HIVEP2: variants seen among roughly 807,000 people sequenced by gnomAD.
The protein encoded by HIVEP2 is HIVEP zinc finger 2.
HIVEP2 carries 14 observed loss-of-function variants against 180.7 expected under a neutral mutation model. The ratio of observed to expected loss-of-function variants is 0.08; its 90% CI spans 0.05 to 0.12. The LOEUF (loss-of-function observed/expected upper bound fraction) is 0.12. Among genes scored for constraint, HIVEP2 ranks in the 10% least tolerant of loss-of-function variants. The probability of loss-of-function intolerance (pLI) is 1.00; values close to 1 mark genes in which losing one functional copy is unlikely to be tolerated. For missense variants in HIVEP2, 2,579 were observed against 3,008.5 expected (o/e 0.86, Z 3.34); for synonymous variants, 1,184 against 1,136.4 (o/e 1.04, Z -0.84).
At position 142,774,499 on chromosome 6, in the gene HIVEP2, T is replaced by C; in HGVS notation, c.240A>G (p.Ala80=). The C allele has an allele frequency of 6.2e-7, 1 of 1,614,166 alleles. No homozygotes were observed. The highest frequency in any genetic ancestry group is 8.5e-7 in the Non-Finnish European group (1 of 1,180,030). Residue 80 remains alanine (A), a synonymous_variant, in exon 5 of 10, where the codon GCA becomes GCG. Coordinates refer to ENST00000367603, the MANE Select transcript of HIVEP2 (RefSeq NM_006734.4). The surrounding 1 kb of genome is among the most constrained non-coding windows in gnomAD (Gnocchi z 5.1). ...GACGATGCGGTGGATATTGCTTCTC[T>C]GCGACTTGCTGCACCACTTCACTAG... is the stretch of plus-strand genomic sequence containing the variant. ...ASPSEVVQQV[A]EKQYPPHRPS... is the part of the protein sequence containing the mutation.
In HIVEP2 at chr6:142,761,252, C is replaced by CTTTGAAAAAAATAAAA. The variant is rs1186620149; in HGVS notation, c.5620+211_5620+212insTTTTATTTTTTTCAAA. On this transcript the variant is annotated intron_variant, in intron 8 of 9. Transcript: ENST00000367603. ...AAATATAAGTATTTTCAAAGTAAGG[C>CTTTGAAAAAAATAAAA]CTTTTTTGCCCTCGGAGTCAAAACT... Among the ~76,000 whole-genome samples, 3 of 152,194 alleles carry CTTTGAAAAAAATAAAA rather than the reference C, an allele frequency of 2.0e-5. No individual in the cohort carries two copies. In the East Asian group the frequency reaches 5.8e-4, roughly 29 times the overall value.
rs1191102808 is a variant in HIVEP2, at chr6:142,772,405, A to G, written c.2334T>C (p.Pro778=). Residue 778 remains proline (P), a synonymous_variant, in exon 5 of 10, where the codon CCT becomes CCC. Coordinates refer to ENST00000367603, the MANE Select transcript of HIVEP2 (RefSeq NM_006734.4). The surrounding 1 kb of genome is among the most constrained non-coding windows in gnomAD (Gnocchi z 4.9). Reference sequence around the variant, plus strand: ...ACATCTTGTCTGAATCAATGGCTGAAGGTGACTCCTCTGACACAAGAGATG... The same window carrying G: ...ACATCTTGTCTGAATCAATGGCTGAGGGTGACTCCTCTGACACAAGAGATG... ...GSPSLVSEES[P]SAIDSDKMSD... 6.2e-7 allele frequency: 1 copy of G among 1,614,096 alleles called. No individual in the cohort carries two copies. The highest frequency in any genetic ancestry group is 8.5e-7 in the Non-Finnish European group (1 of 1,180,044).
intron 1 of HIVEP2, among the ~76,000 whole-genome samples, chr6:142,944,320 T>G (rs917369200): frequency 1.3e-5 from 2 of 150,870 alleles, no homozygotes; most frequent in South Asian, 4.2e-4. Context: ...AGCGCACCGA[T>G]CTGTGATAAC....
At chr6:142,867,023 G>C (rs1776158388) in intron 1 of HIVEP2, among the ~76,000 whole-genome samples, 1 of 152,192 alleles carries the variant, frequency 6.6e-6, no homozygotes, top group African/African-American at 2.4e-5. Flanking sequence ...ATCTTAGGTA[G>C]AGAGGTACTG....
At chr6:142,826,010 C>T (rs1297782052) in intron 2 of HIVEP2, among the ~76,000 whole-genome samples, 1 of 152,086 alleles carries the variant, frequency 6.6e-6, no homozygotes, top group East Asian at 1.9e-4. Flanking sequence ...TAATTATCTT[C>T]ATCCACTAGT....
At chr6:142,840,817 C>T (rs1775342423) in intron 1 of HIVEP2, among the ~76,000 whole-genome samples, 1 of 151,992 alleles carries the variant, frequency 6.6e-6, no homozygotes, top group Non-Finnish European at 1.5e-5. Context: ...ATATTTATGG[C>T]CATATTGATT....
rs930385467 is a variant in HIVEP2 at position 142,759,789 on chromosome 6, T to C, written c.6499A>G (p.Ile2167Val). 10 of 1,604,622 alleles carry C rather than the reference T, an allele frequency of 6.2e-6. No individual in the cohort carries two copies. The highest frequency in any genetic ancestry group is 1.3e-5 in the African/African-American group (1 of 74,320). Residue 2167 changes from isoleucine to valine, a missense_variant, in exon 9 of 10, where the codon ATT becomes GTT. By Grantham distance (29) the Ile-to-Val change is conservative. This residue lies in a region of HIVEP2 where 660 missense variants were observed against 731.7 expected (regional missense o/e 0.90). Transcript: ENST00000367603. ...ATACTTACAGGAGGCCCCAATACAA[T>C]TGGCTCTGCTTGCAAATACTGTCCC... ...SMGQYLQAEP[I>V]VLGPPNLRRG...
chr6:142,810,901 G>A (rs1431281520), intron 2 of HIVEP2, among the ~76,000 whole-genome samples: 3 of 151,992 alleles, frequency 2.0e-5, no homozygotes, highest in Admixed American at 2.0e-4. Flanking sequence ...AAAATAATCA[G>A]TGGATAGGAA....
chr6:142,931,051 A>G (rs1158501396), intron 1 of HIVEP2, among the ~76,000 whole-genome samples: 1 of 152,150 alleles, frequency 6.6e-6, no homozygotes, highest in Non-Finnish European at 1.5e-5. Context: ...CTCTTCTAAT[A>G]TATCACTTCT....
At chr6:142,794,398 A>G (rs543121992) in intron 2 of HIVEP2, among the ~76,000 whole-genome samples, 2 of 152,326 alleles carry the variant, frequency 1.3e-5, no homozygotes, top group African/African-American at 4.8e-5. Context: ...AACTGTGAAG[A>G]CTAATTAGTT....
At chr6:142,905,739 G>T (rs868128063) in intron 1 of HIVEP2, among the ~76,000 whole-genome samples, 5 of 151,996 alleles carry the variant, frequency 3.3e-5, no homozygotes, top group Non-Finnish European at 7.4e-5. Flanking sequence ...ACTATTAATG[G>T]TTCAAACTGT....
intron 1 of HIVEP2, among the ~76,000 whole-genome samples, chr6:142,925,879 C>T (rs748587758): frequency 7.9e-5 from 12 of 152,152 alleles, no homozygotes; most frequent in Non-Finnish European, 5.9e-5. Flanking sequence ...ATGTAAGAAA[C>T]CTTAGCAGAC....
chr6:142,913,312 T>C (rs760362981), intron 1 of HIVEP2, among the ~76,000 whole-genome samples: 9 of 152,248 alleles, frequency 5.9e-5, no homozygotes, highest in Non-Finnish European at 1.0e-4. Context: ...CATGCTATCA[T>C]TTGGATAGTT....
intron 7 of HIVEP2, 42 bp from the exon 8 acceptor site, chr6:142,761,607 T>A: frequency 1.9e-6 from 2 of 1,079,616 alleles, no homozygotes; most frequent in Non-Finnish European, 2.9e-6. Flanking sequence ...TAATTGGTTA[T>A]CAAATTAATA....
chr6:142,776,177 T>C lies in HIVEP2; in HGVS notation c.-418A>G, dbSNP rs1305639599. ...CAGTTTAGAGTTCTTATGGGCATGA[T>C]TGTCCTGACGCTTCCTGGATACAAA... On this transcript the variant is annotated 5_prime_UTR_variant, in exon 4 of 10. Coordinates refer to ENST00000367603, the MANE Select transcript of HIVEP2 (RefSeq NM_006734.4). 6.6e-6 allele frequency: 1 copy of C among 152,630 alleles called. No individual in the cohort carries two copies. Among genetic ancestry groups the C allele is most frequent in the Non-Finnish European group, 1.5e-5 (1 of 68,032 alleles). The allele number at this position is 152,630 out of a possible 1,614,324, so 9.5% of individuals were successfully genotyped here.
intron 1 of HIVEP2, among the ~76,000 whole-genome samples, chr6:142,845,598 TTC>T (rs1775491218): frequency 6.6e-6 from 1 of 152,212 alleles, no homozygotes; most frequent in Non-Finnish European, 1.5e-5. Flanking sequence ...CAGCACAGAC[TTC>T]TAACTACAAG....
At chr6:142,895,969 C>T (rs1256660111) in intron 1 of HIVEP2, among the ~76,000 whole-genome samples, 9 of 151,946 alleles carry the variant, frequency 5.9e-5, no homozygotes, top group Admixed American at 1.3e-4. Context: ...AATTAATGGC[C>T]GATGTTAGAG....
At chr6:142,928,270 A>G (rs1777861430) in intron 1 of HIVEP2, among the ~76,000 whole-genome samples, 1 of 152,200 alleles carries the variant, frequency 6.6e-6, no homozygotes, top group African/African-American at 2.4e-5. Context: ...ATTTTTAAAC[A>G]TATGTTTAGG....
intron 2 of HIVEP2, among the ~76,000 whole-genome samples, chr6:142,816,567 G>A (rs1282708996): frequency 6.6e-6 from 1 of 152,140 alleles, no homozygotes; most frequent in African/African-American, 2.4e-5. Flanking sequence ...TAGACTACCA[G>A]ATACCATCCC....
Sources: allele counts gnomAD v4.1 joint callset (sites outside exome capture counted in the v4.1 genomes callset), GRCh38; gene constraint gnomAD v4.1.1; regional missense constraint gnomAD v4.1.1; non-coding constraint Gnocchi (gnomAD v3.1); transcripts MANE v1.5; gene names NCBI Gene and HGNC (gene_info 2026-07-23, HGNC 2026-07-21).